The following GDAP2 variants were observed in gnomAD, a reference collection of about 807,000 sequenced individuals.
GDAP2 encodes the protein ganglioside induced differentiation associated protein 2.
A neutral mutation model predicts 67.0 loss-of-function variants in GDAP2; 51 were observed. That is an observed-to-expected ratio of 0.76 (90% CI 0.61 to 0.96). The LOEUF (loss-of-function observed/expected upper bound fraction) is 0.96, where lower values mean the gene tolerates loss of function less well. GDAP2 is among the 40% of genes least tolerant of loss of function. The pLI is 0.00. For missense variants in GDAP2, 547 were observed against 588.3 expected (o/e 0.93, Z 0.73); for synonymous variants, 203 against 207.3 (o/e 0.98, Z 0.18).
intron 6 of GDAP2, among the ~76,000 whole-genome samples, chr1:117,900,733 C>G (rs1289452805): frequency 1.3e-5 from 2 of 149,938 alleles, no homozygotes; most frequent in African/African-American, 4.9e-5. Context: ...CCACTGCACT[C>G]CAGCCTGGTG....
At chr1:117,893,977 A>C (rs1167610700) in intron 8 of GDAP2, among the ~76,000 whole-genome samples, 1 of 152,132 alleles carries the variant, frequency 6.6e-6, no homozygotes, top group Non-Finnish European at 1.5e-5. Flanking sequence ...GTATTTAGAG[A>C]AGAGTTGTAT....
In GDAP2 at chr1:117,898,863, C is replaced by T. The variant is rs1382970067; in HGVS notation, c.796+194G>A. 2.6e-5 allele frequency among the ~76,000 whole-genome samples: 4 copies of T among 152,124 alleles called. No individual in the cohort carries two copies. In the South Asian group the frequency reaches 6.2e-4, roughly 24 times the overall value. Reference sequence around the variant, plus strand: ...TCCCCACTGTCTAACACAGACTTGACGTATATCTATCTAGCTATACTTTTA... The same window carrying T: ...TCCCCACTGTCTAACACAGACTTGATGTATATCTATCTAGCTATACTTTTA... On this transcript the variant is annotated intron_variant, in intron 7 of 13. Transcript: ENST00000369443.
chr1:117,900,437 T>A (rs1481842218), intron 6 of GDAP2, among the ~76,000 whole-genome samples: 2 of 152,144 alleles, frequency 1.3e-5, no homozygotes, highest in African/African-American at 4.8e-5. Flanking sequence ...AATCTTTCTG[T>A]CACTATGAAT....
rs973195788 is a variant in GDAP2, at chr1:117,896,949, G to C, written c.837C>G (p.Leu279=). 1 of 1,611,916 alleles carries C rather than the reference G, an allele frequency of 6.2e-7. No individual in the cohort carries two copies. The highest frequency in any genetic ancestry group is 1.1e-5 in the South Asian group (1 of 90,862). The change falls in exon 8 of 14, where the codon CTC becomes CTG. Residue 279 remains leucine (L), a synonymous_variant. Transcript: ENST00000369443. ...CAAAAGCATGAGAGCCAATGAAAGA[G>C]AGATCAACTCCCAAGCCTTCATCCT... The part of the protein sequence containing the change: ...EEEDEGLGVD[L]SFIGSHAFAR...
At chr1:117,898,389 C>T (rs1322502005) in intron 7 of GDAP2, among the ~76,000 whole-genome samples, 1 of 152,150 alleles carries the variant, frequency 6.6e-6, no homozygotes, top group Non-Finnish European at 1.5e-5. Flanking sequence ...GTGATAAAAT[C>T]TTGAGTTGCT....
intron 1 of GDAP2, among the ~76,000 whole-genome samples, chr1:117,928,890 T>C (rs908746800): frequency 6.6e-6 from 1 of 152,190 alleles, no homozygotes; most frequent in Non-Finnish European, 1.5e-5. Flanking sequence ...AATTCCCACT[T>C]GGTGAAAGAG....
chr1:117,872,826 C>A (rs1036153298), intron 13 of GDAP2, among the ~76,000 whole-genome samples: 7 of 151,954 alleles, frequency 4.6e-5, no homozygotes, highest in African/African-American at 1.7e-4. Context: ...TACACATGTA[C>A]CTCAGAACTT....
At chr1:117,907,462 A>T (rs1649695146) in intron 5 of GDAP2, among the ~76,000 whole-genome samples, 1 of 152,168 alleles carries the variant, frequency 6.6e-6, no homozygotes, top group African/African-American at 2.4e-5. Context: ...GTGTAGCCAA[A>T]TTTGACCCCA....
intron 10 of GDAP2, among the ~76,000 whole-genome samples, chr1:117,883,850 A>G (rs544701397): frequency 4.6e-5 from 7 of 152,308 alleles, no homozygotes; most frequent in Admixed American, 2.6e-4. Flanking sequence ...GTGCTACAGT[A>G]CAATTCCTTT....
intron 13 of GDAP2, 115 bp from the exon 14 acceptor site, chr1:117,870,731 T>G: frequency 1.3e-6 from 1 of 764,654 alleles, no homozygotes; most frequent in South Asian, 1.4e-5. Flanking sequence ...CTAGCACATG[T>G]CTGGCACTAA....
intron 6 of GDAP2, among the ~76,000 whole-genome samples, chr1:117,902,239 T>C (rs1649503758): frequency 6.6e-6 from 1 of 152,268 alleles, no homozygotes; most frequent in Non-Finnish European, 1.5e-5. Context: ...AACCTAGGCA[T>C]GAAACATGTC....
intron 5 of GDAP2, 140 bp downstream of exon 5, chr1:117,911,854 C>A: frequency 1.7e-6 from 1 of 583,542 alleles, no homozygotes; most frequent in Middle Eastern, 4.6e-4. Flanking sequence ...CAGCTCACTG[C>A]AGCCTTAAAC....
chr1:117,924,072 G>A (rs1445838820), intron 1 of GDAP2, among the ~76,000 whole-genome samples: 3 of 152,172 alleles, frequency 2.0e-5, no homozygotes, highest in East Asian at 1.9e-4. Context: ...ATATGAGATG[G>A]TGTATCTTTC....
At chr1:117,899,847 C>A (rs1259211999) in intron 6 of GDAP2, among the ~76,000 whole-genome samples, 1 of 151,988 alleles carries the variant, frequency 6.6e-6, no homozygotes, top group Non-Finnish European at 1.5e-5. Flanking sequence ...GAATTGTTTT[C>A]TCATTACCTA....
At chr1:117,882,467 T>C (rs1307517588) in intron 11 of GDAP2, among the ~76,000 whole-genome samples, 11 of 152,128 alleles carry the variant, frequency 7.2e-5, no homozygotes. Flanking sequence ...ACCCAGGCAA[T>C]ACCACTCCAG....
chr1:117,903,447 C>T (rs1414344490), intron 6 of GDAP2, among the ~76,000 whole-genome samples: 1 of 151,756 alleles, frequency 6.6e-6, no homozygotes, highest in African/African-American at 2.4e-5. Flanking sequence ...GCAGTTCTCT[C>T]TTATTCCTAG....
At chr1:117,919,096 C>T (rs2359597) in intron 2 of GDAP2, among the ~76,000 whole-genome samples, 2,329 of 152,206 alleles carry the variant, frequency 0.015, 83 homozygotes, top group Admixed American at 0.09. Context: ...AAGTACTGGC[C>T]GGGCACGGTG....
At chr1:117,906,144 C>T (rs1649648766) in intron 6 of GDAP2, among the ~76,000 whole-genome samples, 1 of 152,190 alleles carries the variant, frequency 6.6e-6, no homozygotes, top group African/African-American at 2.4e-5. Context: ...GTCACCTGGT[C>T]AGGCAGACAC....
In GDAP2 at chr1:117,864,134, A is replaced by G. The variant is rs973838574; in HGVS notation, c.*6435T>C. 1 of 152,242 alleles carries G rather than the reference A, an allele frequency of 6.6e-6. No homozygotes were observed. The highest frequency in any genetic ancestry group is 2.4e-5 in the African/African-American group (1 of 41,466). The allele number at this position is 152,242 out of a possible 1,614,324, so 9.4% of individuals were successfully genotyped here. A position where few individuals can be genotyped will look rare whatever the true frequency, so the allele number is the denominator to read the frequency against. Reference sequence around the variant, plus strand: ...GTAGGAAAGTGCCCATGAACTTACTATGAGAATTATGCATTATTCATGTTG... The same window carrying G: ...GTAGGAAAGTGCCCATGAACTTACTGTGAGAATTATGCATTATTCATGTTG... On this transcript the variant is annotated 3_prime_UTR_variant, in exon 14 of 14. Transcript: ENST00000369443.
Sources: allele counts gnomAD v4.1 joint callset (sites outside exome capture counted in the v4.1 genomes callset), GRCh38; gene constraint gnomAD v4.1.1; transcripts MANE v1.5; gene names NCBI Gene and HGNC (gene_info 2026-07-23, HGNC 2026-07-21).